The following ZBBX variants were observed in gnomAD, a reference collection of about 807,000 sequenced individuals.
ZBBX encodes the protein zinc finger B-box domain containing, also known as zinc finger B-box domain-containing protein 1.
A neutral mutation model predicts 108.5 loss-of-function variants in ZBBX; 101 were observed. The observed-to-expected ratio is 0.93, with a 90% CI of 0.79 to 1.10. The LOEUF (loss-of-function observed/expected upper bound fraction) is 1.10. Ranked by LOEUF, ZBBX falls within the 50% of genes least tolerant of loss-of-function variation. ZBBX has a pLI of 0.00. For missense variants in ZBBX, 1,009 were observed against 941.4 expected (o/e 1.07, Z -0.94); for synonymous variants, 356 against 323.4 (o/e 1.10, Z -1.08).
chr3:167,329,648 G>A (rs1048882530), intron 10 of ZBBX, among the ~76,000 whole-genome samples: 4 of 152,154 alleles, frequency 2.6e-5, no homozygotes, highest in African/African-American at 7.2e-5. Context: ...GAAATGATAC[G>A]TATGCTAGGA....
intron 20 of ZBBX, among the ~76,000 whole-genome samples, chr3:167,274,493 T>C (rs142315079): frequency 7.9e-5 from 12 of 152,342 alleles, no homozygotes; most frequent in Non-Finnish European, 1.6e-4. Flanking sequence ...GAAAAGATTA[T>C]AAAAATTTAA....
chr3:167,395,653 C>A (rs1748212312), intron 1 of ZBBX, among the ~76,000 whole-genome samples: 1 of 151,946 alleles, frequency 6.6e-6, no homozygotes, highest in Admixed American at 6.6e-5. Flanking sequence ...TCACAATAAC[C>A]TTGTTTCTAG....
chr3:167,187,404 T>A, the ZBBX span, among the ~76,000 whole-genome samples: 26 of 152,128 alleles, frequency 1.7e-4, no homozygotes, highest in Non-Finnish European at 3.2e-4. Context: ...TCTGGAGTGC[T>A]CAGAGCCAAT....
At chr3:167,280,681 T>C (rs914121653) in intron 20 of ZBBX, among the ~76,000 whole-genome samples, 3 of 150,962 alleles carry the variant, frequency 2.0e-5, no homozygotes, top group Admixed American at 2.0e-4. Context: ...TCAACCATTG[T>C]GGAAGTCAGT....
Position 167,366,613 on chromosome 3 carries a change from C to A in ZBBX, c.183-637G>T, listed in dbSNP as rs751312807. On this transcript the variant is annotated intron_variant, in intron 5 of 21. Transcript: ENST00000675490. ...ACAGAATAAATAATTAAGATTGGAG[C>A]ACTAGACTTCTATTTTCCTGGCTAG... Among the ~76,000 whole-genome samples the A allele has an allele frequency of 2.7e-4, 41 of 151,848 alleles. 1 individual carries two copies. The highest frequency in any genetic ancestry group is 5.9e-4 in the Non-Finnish European group (40 of 67,826).
At chr3:167,289,915 A>C (rs1730386392) in intron 18 of ZBBX, among the ~76,000 whole-genome samples, 1 of 152,128 alleles carries the variant, frequency 6.6e-6, no homozygotes, top group South Asian at 2.1e-4. Flanking sequence ...GGTGTCTGCC[A>C]TTACTGAGGC....
chr3:167,275,570 C>G (rs543791555), intron 20 of ZBBX, among the ~76,000 whole-genome samples: 1 of 152,208 alleles, frequency 6.6e-6, no homozygotes, highest in Non-Finnish European at 1.5e-5. Context: ...GCTTTTCCAA[C>G]GGGCTTAAAA....
At chr3:167,283,787 C>T (rs1017911512) in intron 19 of ZBBX, among the ~76,000 whole-genome samples, 9 of 152,158 alleles carry the variant, frequency 5.9e-5, no homozygotes, top group South Asian at 4.1e-4. Context: ...GGATTACAGG[C>T]GCGTGCCACC....
At chr3:167,210,081 C>T in the ZBBX span, among the ~76,000 whole-genome samples, 1 of 148,678 alleles carries the variant, frequency 6.7e-6, no homozygotes, top group African/African-American at 2.4e-5. Flanking sequence ...CAGAGTGAGA[C>T]TTGGTCTTAA....
chr3:167,329,117 G>A (rs755916490), intron 10 of ZBBX, among the ~76,000 whole-genome samples: 1 of 152,208 alleles, frequency 6.6e-6, no homozygotes, highest in Non-Finnish European at 1.5e-5. Context: ...AATGATGGTT[G>A]TGGAGAGATG....
intron 4 of ZBBX, among the ~76,000 whole-genome samples, chr3:167,371,618 A>G (rs1746166701): frequency 1.3e-5 from 2 of 152,172 alleles, no homozygotes; most frequent in South Asian, 4.1e-4. Flanking sequence ...TTTGTTGGCT[A>G]AATGTTTACA....
intron 8 of ZBBX, among the ~76,000 whole-genome samples, chr3:167,352,681 A>T (rs1323230027): frequency 1.3e-5 from 2 of 151,858 alleles, no homozygotes; most frequent in African/African-American, 2.4e-5. Context: ...ATAAAACTTA[A>T]GAGTCCAATA....
chr3:167,216,231 T>C, the ZBBX span, among the ~76,000 whole-genome samples: 3 of 152,116 alleles, frequency 2.0e-5, no homozygotes, highest in African/African-American at 7.2e-5. Flanking sequence ...GAAAACCCCA[T>C]AGTCTTCGTC....
At chr3:167,391,947 A>G (rs891315438) in intron 1 of ZBBX, among the ~76,000 whole-genome samples, 44 of 151,726 alleles carry the variant, frequency 2.9e-4, no homozygotes, top group African/African-American at 1.1e-3. Flanking sequence ...TCCACTTGAA[A>G]TCAATACTCT....
the ZBBX span, among the ~76,000 whole-genome samples, chr3:167,191,967 T>C: frequency 7.2e-6 from 1 of 138,986 alleles, no homozygotes; most frequent in Non-Finnish European, 1.5e-5. Context: ...TGTCAGCTTA[T>C]CTTAGATAAC....
chr3:167,239,453 T>A (rs907431438), downstream of ZBBX, among the ~76,000 whole-genome samples: 3 of 152,084 alleles, frequency 2.0e-5, no homozygotes, highest in African/African-American at 7.2e-5. Context: ...TTTCTCGCCC[T>A]TCTCAGCCTG....
At chr3:167,361,794 A>T (rs532181824) in intron 6 of ZBBX, among the ~76,000 whole-genome samples, 31 of 152,332 alleles carry the variant, frequency 2.0e-4, no homozygotes, top group African/African-American at 7.2e-4. Flanking sequence ...TAACCAAATT[A>T]TCCAGTATGA....
intron 9 of ZBBX, among the ~76,000 whole-genome samples, chr3:167,342,072 G>A (rs1740631788): frequency 6.6e-6 from 1 of 151,468 alleles, no homozygotes; most frequent in South Asian, 2.1e-4. Flanking sequence ...AACATCTTTA[G>A]GTATAGAAGA....
At chr3:167,188,628 C>T in the ZBBX span, among the ~76,000 whole-genome samples, 600 of 152,254 alleles carry the variant, frequency 3.9e-3, no homozygotes, top group African/African-American at 0.013. Context: ...GGTGTTAAGA[C>T]CACAAACAAA....
Sources: allele counts gnomAD v4.1 joint callset (sites outside exome capture counted in the v4.1 genomes callset), GRCh38; gene constraint gnomAD v4.1.1; transcripts MANE v1.5; gene names NCBI Gene and HGNC (gene_info 2026-07-23, HGNC 2026-07-21).